The following UPF3B variants were observed in gnomAD, a reference collection of about 807,000 sequenced individuals.
UPF3B encodes regulator of nonsense transcripts 3B.
In UPF3B, 7 loss-of-function variants were observed where a neutral mutation model predicts 40.3. The ratio of observed to expected loss-of-function variants is 0.17; its 90% CI spans 0.10 to 0.33. UPF3B has a LOEUF of 0.33. Among genes scored for constraint, UPF3B ranks in the 10% least tolerant of loss-of-function variants. The pLI is 1.00. For synonymous variants in UPF3B, 117 were observed against 117.3 expected (o/e 1.00, Z 0.01); for missense variants, 229 against 358.9 (o/e 0.64, Z 2.93).
At chrX:119,817,970 C>T (rs1480172956) in intron 4 of UPF3B, among the ~76,000 whole-genome samples, 4 of 111,594 alleles carry the variant, frequency 3.6e-5, no homozygotes, top group Non-Finnish European at 5.6e-5. Context: ...CATCAATATG[C>T]AAGGGAAAAA....
intron 3 of UPF3B, among the ~76,000 whole-genome samples, chrX:119,826,076 G>C (rs191316244): frequency 8.9e-6 from 1 of 111,997 alleles, no homozygotes; most frequent in African/African-American, 3.2e-5. Flanking sequence ...CAGGAGAATC[G>C]CTTGTGCCCG....
At chrX:119,837,565 G>A (rs1450402031) in intron 10 of UPF3B, among the ~76,000 whole-genome samples, 192 bp downstream of exon 10, 1 of 103,135 alleles carries the variant, frequency 9.7e-6, no homozygotes, top group African/African-American at 3.6e-5. Flanking sequence ...GCAGTGAGCC[G>A]AGATTGTGCC....
At chrX:119,810,363 A>G (rs919591865) in intron 5 of UPF3B, among the ~76,000 whole-genome samples, 2 of 112,338 alleles carry the variant, frequency 1.8e-5, no homozygotes, top group Non-Finnish European at 3.8e-5. Flanking sequence ...CCAATAGATC[A>G]TGAAGCATCT....
chrX:119,813,534 C>T (rs1362811170), intron 5 of UPF3B, among the ~76,000 whole-genome samples: 1 of 110,010 alleles, frequency 9.1e-6, no homozygotes, highest in Admixed American at 9.8e-5. Context: ...GAACTATAAG[C>T]CAATTAAACC....
At chrX:119,817,339 G>A (rs1352367299) in intron 4 of UPF3B, among the ~76,000 whole-genome samples, 2 of 111,868 alleles carry the variant, frequency 1.8e-5, no homozygotes, top group East Asian at 5.6e-4. Context: ...TGGCAGAAGG[G>A]GAAGTGGACA....
At chrX:119,807,027 T>TAAAAAAAAAA (rs1191950024) in intron 6 of UPF3B, among the ~76,000 whole-genome samples, 1 of 21,419 alleles carries the variant, frequency 4.7e-5, no homozygotes, top group Non-Finnish European at 8.8e-5. Flanking sequence ...AGACCCTGTC[T>TAAAAAAAAAA]AAAAAAAAAA....
chrX:119,845,166 A>T, intron 4 of UPF3B, 32 bp downstream of exon 4: 1 of 1,101,335 alleles, frequency 9.1e-7, no homozygotes, highest in Non-Finnish European at 1.3e-6. Flanking sequence ...ACCCCACAGC[A>T]ATAGCATTAT....
chrX:119,845,404 G>A, intron 3 of UPF3B, 108 bp from the exon 4 acceptor site: 1 of 629,754 alleles, frequency 1.6e-6, no homozygotes, highest in Non-Finnish European at 2.5e-6. Flanking sequence ...GCAGTCATCT[G>A]AAGAGGGTCT....
intron 3 of UPF3B, among the ~76,000 whole-genome samples, chrX:119,846,700 G>T (rs2056238858): frequency 9.3e-6 from 1 of 107,283 alleles, no homozygotes; most frequent in Admixed American, 1.0e-4. Context: ...TAGATCTCAT[G>T]TTAAGTGTTC....
intron 10 of UPF3B, among the ~76,000 whole-genome samples, chrX:119,835,710 T>A (rs2056083972): frequency 8.9e-6 from 1 of 112,362 alleles, no homozygotes; most frequent in Admixed American, 9.4e-5. Flanking sequence ...AAAACTTGGC[T>A]GGGTGCAGTG....
intron 5 of UPF3B, among the ~76,000 whole-genome samples, chrX:119,814,510 A>C (rs1366498668): frequency 2.7e-5 from 3 of 112,370 alleles, no homozygotes; most frequent in Non-Finnish European, 5.6e-5. Flanking sequence ...TATACTACCC[A>C]AAGTCAACAG....
At chrX:119,838,726 C>T (rs748127954) in intron 8 of UPF3B, among the ~76,000 whole-genome samples, 199 bp from the exon 9 acceptor site, 2 of 111,113 alleles carry the variant, frequency 1.8e-5, no homozygotes, top group Non-Finnish European at 3.8e-5. Context: ...AAGTGTTATC[C>T]ACTTGAACGA....
At chrX:119,841,678 A>G in intron 6 of UPF3B, 57 bp downstream of exon 6, 1 of 1,064,802 alleles carries the variant, frequency 9.4e-7, no homozygotes, top group Non-Finnish European at 1.3e-6. Context: ...AAATGTTTAT[A>G]GAATGCAAAG....
chrX:119,835,860 C>G (rs752267353), intron 10 of UPF3B, among the ~76,000 whole-genome samples: 1 of 110,704 alleles, frequency 9.0e-6, no homozygotes, highest in Non-Finnish European at 1.9e-5. Flanking sequence ...GCCTGTAGTC[C>G]CAGCTACTCT....
chrX:119,814,744 T>C (rs1402774850), intron 5 of UPF3B, among the ~76,000 whole-genome samples: 3 of 112,000 alleles, frequency 2.7e-5, no homozygotes, highest in Non-Finnish European at 3.8e-5. Flanking sequence ...CTTTAATTTA[T>C]AGAAATTGCA....
intron 8 of UPF3B, among the ~76,000 whole-genome samples, chrX:119,840,312 ATATTGCAGGG>A (rs2056146410): frequency 9.0e-6 from 1 of 111,142 alleles, no homozygotes; most frequent in Non-Finnish European, 1.9e-5. Context: ...GGAAAGGCAC[ATATTGCAGGG>A]TATTTATCCC....
chrX:119,831,123 C>T (rs1444904150), downstream of UPF3B, among the ~76,000 whole-genome samples: 2 of 111,819 alleles, frequency 1.8e-5, no homozygotes, highest in African/African-American at 3.2e-5. Context: ...ATTGTACTTC[C>T]AATTCGGAAC....
chrX:119,836,025 A>G (rs2056088001), intron 10 of UPF3B, among the ~76,000 whole-genome samples: 1 of 111,355 alleles, frequency 9.0e-6, no homozygotes, highest in East Asian at 2.8e-4. Context: ...ATTTCAAGGA[A>G]GCATAATTTG....
chrX:119,837,400 G>T (rs1024237808), intron 10 of UPF3B, among the ~76,000 whole-genome samples: 3 of 108,321 alleles, frequency 2.8e-5, no homozygotes, highest in Non-Finnish European at 3.8e-5. Context: ...TGGATCACGA[G>T]GTCAGGAGAT....
Sources: gnomAD v4.1 joint callset for allele counts (sites outside exome capture counted in the v4.1 genomes callset) on GRCh38, gnomAD v4.1.1 for gene constraint, MANE v1.5 for transcripts, NCBI Gene and HGNC (gene_info 2026-07-23, HGNC 2026-07-21) for gene names.